GTF2B: variants seen among roughly 807,000 people sequenced by gnomAD.
The protein encoded by GTF2B is transcription initiation factor IIB.
A neutral mutation model predicts 34.6 loss-of-function variants in GTF2B; 20 were observed. The ratio of observed to expected loss-of-function variants is 0.58; its 90% confidence interval spans 0.41 to 0.84. The LOEUF (loss-of-function observed/expected upper bound fraction) is 0.84. Among genes scored for constraint, GTF2B ranks in the 40% least tolerant of loss-of-function variants. The probability of loss-of-function intolerance (pLI) is 0.00; values close to 1 mark genes in which losing one functional copy is unlikely to be tolerated. For missense variants in GTF2B, 237 were observed against 393.3 expected, an observed-to-expected ratio of 0.60 and a Z score of 3.36; for synonymous variants, 142 against 132.4, an observed-to-expected ratio of 1.07 and a Z score of -0.50.
intron 3 of GTF2B, among the ~76,000 whole-genome samples, chr1:88,861,734 A>G (rs1673445495): frequency 6.6e-6 from 1 of 152,216 alleles, no homozygotes; most frequent in South Asian, 2.1e-4. Context: ...CAGGAGGCTG[A>G]GGCAGGAGGG....
Position 88,866,245 on chromosome 1 carries a change from T to C in GTF2B, c.125-2131A>G, listed in dbSNP as rs560543821. On this transcript the variant is annotated intron_variant, in intron 2 of 6. Transcript: ENST00000370500. ...AGCTGGGCGTGGTGGCATGTGCCTGTAGGGAGGCTGAGGTGGGAGGATCAC... is the reference window on the plus strand; with the variant it reads ...AGCTGGGCGTGGTGGCATGTGCCTGCAGGGAGGCTGAGGTGGGAGGATCAC... 3.9e-5 allele frequency among the ~76,000 whole-genome samples: 6 copies of C among 152,116 alleles called. No individual in the cohort carries two copies. The East Asian group carries it at 1.2e-3, about 29-fold the overall frequency.
rs1445376856 is a variant in GTF2B at position 88,860,198 on chromosome 1, T to C, written c.347A>G (p.Asn116Ser). Residue 116 changes from asparagine (N) to serine (S), a missense_variant, in exon 4 of 7, where the codon AAT becomes AGT. Coordinates refer to ENST00000370500, the MANE Select transcript of GTF2B (RefSeq NM_001514.6). The part of the protein sequence containing the change: ...TMSSSDRAMM[N>S]AFKEITTMAD... ...CATGGTAGTGATTTCTTTGAATGCA[T>C]TCATCATTGCCCGATCAGAACTGCT... The C allele has an allele frequency of 1.2e-6, 2 of 1,613,882 alleles. No individual in the cohort carries two copies. The highest frequency in any genetic ancestry group is 1.7e-5 in the Admixed American group (1 of 60,024).
intron 3 of GTF2B, among the ~76,000 whole-genome samples, chr1:88,860,747 A>T (rs1159468559): frequency 6.6e-6 from 1 of 152,198 alleles, no homozygotes; most frequent in Non-Finnish European, 1.5e-5. Flanking sequence ...CAAAATCAAA[A>T]TTCGTCTTTG....
intron 2 of GTF2B, among the ~76,000 whole-genome samples, chr1:88,885,930 T>C (rs1674056738): frequency 6.6e-6 from 1 of 152,052 alleles, no homozygotes; most frequent in Non-Finnish European, 1.5e-5. Context: ...TGAAAGGCAA[T>C]ACAAGATAGA....
In GTF2B at chr1:88,864,955, G is replaced by A. The variant is rs182733003; in HGVS notation, c.125-841C>T. ...AAGATCACATAGCTAGAACTGAAAC[G>A]CACATCAGAGTTTGTTCTACACTCC... On this transcript the variant is annotated intron_variant, in intron 2 of 6. Transcript: ENST00000370500. 8.4e-4 allele frequency among the ~76,000 whole-genome samples: 127 copies of A among 151,516 alleles called. 1 individual carries two copies. The highest frequency in any genetic ancestry group is 2.7e-3 in the African/African-American group (110 of 40,866).
chr1:88,885,143 C>T (rs1674033853), intron 2 of GTF2B, among the ~76,000 whole-genome samples: 1 of 152,144 alleles, frequency 6.6e-6, no homozygotes. Context: ...TCCATTAAAA[C>T]TTTATAGATA....
rs150541331 is a variant in GTF2B, at chr1:88,854,917, C to T, written c.818-1571G>A. 9.7e-4 allele frequency among the ~76,000 whole-genome samples: 148 copies of T among 152,244 alleles called. 1 individual carries two copies. The highest frequency in any genetic ancestry group is 3.4e-3 in the African/African-American group (143 of 41,532). On this transcript the variant is annotated intron_variant, in intron 6 of 6. Coordinates refer to ENST00000370500, the MANE Select transcript of GTF2B (RefSeq NM_001514.6). ...GTACAATTAGCTAATTTTAAATTTC[C>T]GTATCTCACACTGCATTACATTATT...
intron 3 of GTF2B, among the ~76,000 whole-genome samples, chr1:88,862,562 C>T (rs747856705): frequency 5.3e-5 from 8 of 152,056 alleles, no homozygotes; most frequent in Non-Finnish European, 1.0e-4. Flanking sequence ...ACAGACTATA[C>T]AGGGTTCGGC....
chr1:88,880,772 C>A (rs536446932), intron 2 of GTF2B, among the ~76,000 whole-genome samples: 4 of 151,968 alleles, frequency 2.6e-5, no homozygotes, highest in Admixed American at 1.3e-4. Context: ...TTTGGGAGGC[C>A]GAGGCTGGGG....
intron 2 of GTF2B, among the ~76,000 whole-genome samples, chr1:88,873,385 G>A (rs959511130): frequency 6.6e-6 from 1 of 151,626 alleles, no homozygotes; most frequent in Non-Finnish European, 1.5e-5. Context: ...ATTTTTAGTA[G>A]AGACGAGGTT....
At chr1:88,891,341 G>C in intron 1 of GTF2B, 142 bp downstream of exon 1, 1 of 620,884 alleles carries the variant, frequency 1.6e-6, no homozygotes, top group Middle Eastern at 3.6e-4. Context: ...AAGTGCCTTT[G>C]TCCCGGCCCG....
intron 1 of GTF2B, among the ~76,000 whole-genome samples, chr1:88,890,136 C>A: frequency 6.7e-6 from 1 of 149,914 alleles, no homozygotes. Flanking sequence ...AAATTTCAGA[C>A]TTAAAAAGCC....
intron 2 of GTF2B, 90 bp from the exon 3 acceptor site, chr1:88,864,204 C>T: frequency 8.4e-7 from 1 of 1,188,972 alleles, no homozygotes; most frequent in Non-Finnish European, 1.2e-6. Context: ...CATTTTATTC[C>T]CAGGAAATCT....
chr1:88,876,090 C>T (rs955799763), intron 2 of GTF2B, among the ~76,000 whole-genome samples: 2 of 152,066 alleles, frequency 1.3e-5, no homozygotes, highest in Non-Finnish European at 2.9e-5. Flanking sequence ...GGCAAGAAGG[C>T]TGTGTCTAAC....
intron 2 of GTF2B, among the ~76,000 whole-genome samples, chr1:88,872,491 C>T (rs1436355661): frequency 7.6e-6 from 1 of 131,472 alleles, no homozygotes; most frequent in Non-Finnish European, 1.7e-5. Flanking sequence ...AAGAAAGTAA[C>T]CTTTTTACTG....
At chr1:88,881,366 A>C (rs1462770099) in intron 2 of GTF2B, among the ~76,000 whole-genome samples, 1 of 152,112 alleles carries the variant, frequency 6.6e-6, no homozygotes, top group African/African-American at 2.4e-5. Flanking sequence ...TCACCTAACG[A>C]TGCATTTCTC....
At chr1:88,871,621 C>T (rs7529704) in intron 2 of GTF2B, among the ~76,000 whole-genome samples, 149,981 of 152,350 alleles carry the variant, frequency 0.98, 73,862 homozygotes, top group East Asian at 1. Flanking sequence ...GAACCAAAAA[C>T]GTTAAGGGAA....
At chr1:88,865,416 C>T (rs959870255) in intron 2 of GTF2B, among the ~76,000 whole-genome samples, 1 of 152,136 alleles carries the variant, frequency 6.6e-6, no homozygotes, top group Non-Finnish European at 1.5e-5. Context: ...AAGGGAGACG[C>T]ATCAGTTTAA....
At chr1:88,876,399 G>A (rs530562915) in intron 2 of GTF2B, among the ~76,000 whole-genome samples, 12 of 152,256 alleles carry the variant, frequency 7.9e-5, no homozygotes, top group African/African-American at 2.4e-4. Flanking sequence ...GGGGGAAGCC[G>A]AACACAGTGC....
Sources: gnomAD v4.1 joint callset for allele counts (sites outside exome capture counted in the v4.1 genomes callset) on GRCh38, gnomAD v4.1.1 for gene constraint, MANE v1.5 for transcripts, NCBI Gene and HGNC (gene_info 2026-07-23, HGNC 2026-07-21) for gene names.